DENND1A: variants seen among roughly 807,000 people sequenced by gnomAD.
DENND1A encodes the protein DENN domain-containing protein 1A.
Under a neutral mutation model 113.7 loss-of-function variants are expected in DENND1A, and 51 were observed. The observed-to-expected ratio is 0.45, with a 90% CI of 0.36 to 0.57. The LOEUF is 0.57. DENND1A is among the 20% of genes least tolerant of loss of function. DENND1A has a pLI of 0.00. For synonymous variants in DENND1A, 565 were observed against 570.8 expected (o/e 0.99, Z 0.14); for missense variants, 1,258 against 1,395.9 (o/e 0.90, Z 1.57).
chr9:123,795,586 G>C (rs1045174459), intron 2 of DENND1A, among the ~76,000 whole-genome samples: 2 of 152,174 alleles, frequency 1.3e-5, no homozygotes, highest in Non-Finnish European at 2.9e-5. Flanking sequence ...AGTACTCTAT[G>C]TATTTCATTG....
intron 23 of DENND1A, 61 bp downstream of exon 23, chr9:123,383,594 C>A: frequency 6.4e-7 from 1 of 1,562,938 alleles, no homozygotes; most frequent in Non-Finnish European, 8.7e-7. Context: ...ACATGGGGAT[C>A]CCACCTCGTG....
At chr9:123,477,470 T>C (rs1193256634) in intron 13 of DENND1A, among the ~76,000 whole-genome samples, 2 of 151,488 alleles carry the variant, frequency 1.3e-5, no homozygotes, top group Non-Finnish European at 2.9e-5. Flanking sequence ...AGGCAGGGTA[T>C]CACTTGAGCC....
intron 3 of DENND1A, among the ~76,000 whole-genome samples, chr9:123,785,734 T>C (rs1182822481): frequency 6.7e-6 from 1 of 149,550 alleles, no homozygotes; most frequent in East Asian, 1.9e-4. Context: ...GAGCACCCTG[T>C]GGCTATCATG....
intron 4 of DENND1A, among the ~76,000 whole-genome samples, chr9:123,767,411 A>G (rs1828992619): frequency 6.7e-6 from 1 of 148,220 alleles, no homozygotes; most frequent in African/African-American, 2.6e-5. Context: ...TTTGTAAAAA[A>G]GAAAAAAAAA....
intron 13 of DENND1A, chr9:123,485,656 G>GCGCGCACACACACACACACACACA (rs765633751): frequency 7.1e-6 from 1 of 141,156 alleles, no homozygotes; most frequent in African/African-American, 2.9e-5. Flanking sequence ...GCGCGCGCGC[G>GCGCGCACACACACACACACACACA]CACACACACA....
intron 2 of DENND1A, among the ~76,000 whole-genome samples, chr9:123,810,155 G>A (rs1279831279): frequency 6.6e-6 from 1 of 152,070 alleles, no homozygotes. Flanking sequence ...ACTGGCCTGG[G>A]GTAATTCTAT....
chr9:123,715,933 C>T (rs1034557474), intron 5 of DENND1A, among the ~76,000 whole-genome samples: 18 of 152,126 alleles, frequency 1.2e-4, no homozygotes, highest in Non-Finnish European at 1.8e-4. Context: ...ACCTCAGCCT[C>T]CCAAAGTGCT....
intron 17 of DENND1A, among the ~76,000 whole-genome samples, chr9:123,451,008 CCTT>C (rs1157845058): frequency 2.0e-5 from 3 of 152,060 alleles, no homozygotes; most frequent in African/African-American, 4.8e-5. Flanking sequence ...GTTCCAAAGC[CCTT>C]CTTCTGCTCT....
chr9:123,546,444 T>C (rs1032514247), intron 13 of DENND1A, among the ~76,000 whole-genome samples: 3 of 151,464 alleles, frequency 2.0e-5, no homozygotes, highest in Non-Finnish European at 4.4e-5. Flanking sequence ...CCCAGCTACT[T>C]GGGAGGCTGA....
At chr9:123,456,889 C>T (rs2048168321) in intron 15 of DENND1A, 1 of 158,222 alleles carries the variant, frequency 6.3e-6, no homozygotes, top group Non-Finnish European at 1.4e-5. Flanking sequence ...GATGACTGCA[C>T]AAACCTTTCC....
rs1369499733 is a variant in DENND1A at position 123,383,912 on chromosome 9, G to A, written c.1762C>T (p.Pro588Ser). The A allele has an allele frequency of 1.9e-6, 3 of 1,607,234 alleles. No homozygotes were observed. Among genetic ancestry groups the A allele is most frequent in the African/African-American group, 1.3e-5 (1 of 74,916 alleles). Residue 588 changes from proline (P) to serine (S), a missense_variant and splice_region_variant, in exon 23 of 24, where the codon CCG becomes TCG. By Grantham distance (74) the Pro-to-Ser change is moderately conservative (BLOSUM62 -1). This residue lies in a region of DENND1A where 1,159 missense variants were observed against 1,231.7 expected (regional missense o/e 0.94). Coordinates refer to ENST00000394215, the MANE Select transcript of DENND1A (RefSeq NM_001352964.2). ...SFFFSAPFEW[P>S]QPYRTLRESD... ...TCCCTGAGTGTCCGATACGGCTGCG[G>A]CCTGTCGGGGACAGAGCAGGCTGCA...
intron 2 of DENND1A, among the ~76,000 whole-genome samples, chr9:123,830,537 G>C (rs1163207594): frequency 6.6e-6 from 1 of 151,998 alleles, no homozygotes; most frequent in East Asian, 1.9e-4. Flanking sequence ...CCGTGGTACT[G>C]AAAGGTGAAA....
intron 19 of DENND1A, among the ~76,000 whole-genome samples, chr9:123,435,478 T>C (rs1285482574): frequency 6.6e-6 from 1 of 152,198 alleles, no homozygotes; most frequent in East Asian, 1.9e-4. Context: ...TTAACCAGCT[T>C]TTCAAACTTT....
At chr9:123,616,190 A>G (rs1384240402) in intron 10 of DENND1A, among the ~76,000 whole-genome samples, 4 of 152,216 alleles carry the variant, frequency 2.6e-5, no homozygotes, top group Non-Finnish European at 5.9e-5. Context: ...TCGGCCTTCC[A>G]AAGTACTGGG....
At position 123,764,313 on chromosome 9, in the gene DENND1A, A is replaced by AAG. The variant is rs1195332897; in HGVS notation, c.182+5200_182+5201insCT. Among the ~76,000 whole-genome samples, 2 of 152,212 alleles carry AAG rather than the reference A, an allele frequency of 1.3e-5. No individual in the cohort carries two copies. Among genetic ancestry groups the AAG allele is most frequent in the Non-Finnish European group, 2.9e-5 (2 of 68,022 alleles). The stretch of plus-strand genomic sequence containing the variant: ...TGAAGCATTTTGTCCCCCTCTATGT[A>AAG]TTATAGCTTACCGACAATTATCTGT... On this transcript the variant is annotated intron_variant, in intron 4 of 23. Transcript: ENST00000394215. This position sits in a 1 kb window ranked among gnomAD's most constrained non-coding sequence, Gnocchi z 4.1.
intron 20 of DENND1A, among the ~76,000 whole-genome samples, chr9:123,409,549 C>T (rs939540379): frequency 1.3e-5 from 2 of 151,538 alleles, no homozygotes; most frequent in Non-Finnish European, 2.9e-5. Flanking sequence ...GCTTGGAATA[C>T]TGGCAAGACC....
intron 7 of DENND1A, among the ~76,000 whole-genome samples, chr9:123,668,379 G>A (rs1423877554): frequency 6.6e-6 from 1 of 152,164 alleles, no homozygotes; most frequent in South Asian, 2.1e-4. Flanking sequence ...ATAGTATAAG[G>A]TACTTGTCTA....
chr9:123,454,900 T>G, intron 15 of DENND1A, 121 bp from the exon 16 acceptor site: 2 of 866,052 alleles, frequency 2.3e-6, no homozygotes, highest in Non-Finnish European at 3.7e-6. Context: ...CAGACTGGAG[T>G]GCAGTGGTGC....
intron 10 of DENND1A, among the ~76,000 whole-genome samples, chr9:123,616,935 C>T (rs1052544405): frequency 7.9e-5 from 12 of 152,216 alleles, no homozygotes; most frequent in Non-Finnish European, 5.9e-5. Context: ...ATGCGCAAAC[C>T]GCTACAAGGA....
Sources: gnomAD v4.1 joint callset for allele counts (sites outside exome capture counted in the v4.1 genomes callset) on GRCh38, gnomAD v4.1.1 for gene constraint, gnomAD v4.1.1 regional missense constraint, Gnocchi (gnomAD v3.1) non-coding constraint, MANE v1.5 for transcripts, NCBI Gene and HGNC (gene_info 2026-07-23, HGNC 2026-07-21) for gene names.